MACROH2A2: variants seen among roughly 807,000 people sequenced by gnomAD.
MACROH2A2 encodes the protein core histone macro-H2A.2.
Under a neutral mutation model 37.6 loss-of-function variants are expected in MACROH2A2, and 6 were observed. That is an observed-to-expected ratio of 0.16 (90% CI 0.09 to 0.32). The LOEUF (loss-of-function observed/expected upper bound fraction) is 0.32. Ranked by LOEUF, MACROH2A2 falls within the 10% of genes least tolerant of loss-of-function variation. The pLI, the probability that MACROH2A2 is intolerant of heterozygous loss-of-function variation, is 1.00. For missense variants in MACROH2A2, 290 were observed against 485.9 expected (o/e 0.60, Z 3.79); for synonymous variants, 192 against 202.7 (o/e 0.95, Z 0.45).
At chr10:70,106,020 A>C (rs1472239005) in intron 7 of MACROH2A2, among the ~76,000 whole-genome samples, 2 of 152,102 alleles carry the variant, frequency 1.3e-5, no homozygotes, top group African/African-American at 4.8e-5. Context: ...GGAAGAAGAG[A>C]GGCCATTGTG....
At chr10:70,070,681 C>A (rs2072103983) in intron 1 of MACROH2A2, among the ~76,000 whole-genome samples, 1 of 152,006 alleles carries the variant, frequency 6.6e-6, no homozygotes, top group African/African-American at 2.4e-5. Flanking sequence ...TTAGTAGAGT[C>A]GGGGTTTCAT....
chr10:70,106,865 A>G (rs566676635), intron 7 of MACROH2A2, among the ~76,000 whole-genome samples: 2 of 151,934 alleles, frequency 1.3e-5, no homozygotes, highest in African/African-American at 4.8e-5. Context: ...TAACATGATT[A>G]TACTTTTAAA....
chr10:70,060,286 C>T (rs2072043198), intron 1 of MACROH2A2, among the ~76,000 whole-genome samples: 1 of 151,978 alleles, frequency 6.6e-6, no homozygotes, highest in African/African-American at 2.4e-5. Flanking sequence ...AGGAGAATCT[C>T]CTGAACCAGG....
At chr10:70,060,669 T>G (rs955469780) in intron 1 of MACROH2A2, among the ~76,000 whole-genome samples, 3 of 152,264 alleles carry the variant, frequency 2.0e-5, no homozygotes, top group Non-Finnish European at 2.9e-5. Context: ...GAATCTCATC[T>G]TGGCTCAGAC....
rs1374259135 is a variant in MACROH2A2, at chr10:70,101,683, C to T, written c.778+1386C>T. On this transcript the variant is annotated intron_variant, in intron 7 of 8. Transcript: ENST00000373255. ...AGTGCCCCCCTCAGGCCCTGGCAAG[C>T]ACTAATCTACTTTCTGTCTCTACGG... Among the ~76,000 whole-genome samples the T allele has an allele frequency of 9.9e-5, 15 of 152,154 alleles. 1 individual carries two copies. The highest frequency in any genetic ancestry group is 3.4e-4 in the African/African-American group (14 of 41,422).
chr10:70,108,838 T>G (rs1321747198), intron 7 of MACROH2A2, among the ~76,000 whole-genome samples, 195 bp from the exon 8 acceptor site: 3 of 150,306 alleles, frequency 2.0e-5, no homozygotes, highest in Admixed American at 6.7e-5. Flanking sequence ...CCAAAGCTTG[T>G]GCTAACTGTG....
intron 1 of MACROH2A2, among the ~76,000 whole-genome samples, chr10:70,067,103 A>G (rs1416428278): frequency 6.6e-6 from 1 of 152,242 alleles, no homozygotes; most frequent in African/African-American, 2.4e-5. Context: ...TCTATTAAAC[A>G]AGGTGTCTTT....
At chr10:70,103,502 C>T (rs575958094) in intron 7 of MACROH2A2, among the ~76,000 whole-genome samples, 111 of 152,232 alleles carry the variant, frequency 7.3e-4, no homozygotes, top group African/African-American at 2.4e-3. Flanking sequence ...GCCACCGTGC[C>T]CAGCACCAAC....
At chr10:70,097,601 AC>A (rs1387058169) in intron 6 of MACROH2A2, among the ~76,000 whole-genome samples, 1 of 152,132 alleles carries the variant, frequency 6.6e-6, no homozygotes, top group Non-Finnish European at 1.5e-5. Flanking sequence ...TGCAATAATC[AC>A]CACCCATGGC....
intron 1 of MACROH2A2, among the ~76,000 whole-genome samples, chr10:70,065,183 A>C (rs1198694434): frequency 6.6e-6 from 1 of 151,942 alleles, no homozygotes; most frequent in Non-Finnish European, 1.5e-5. Flanking sequence ...AGTAGCTGGG[A>C]TTACAGGTAC....
chr10:70,091,240 G>A (rs569335483), intron 3 of MACROH2A2, among the ~76,000 whole-genome samples: 6 of 152,302 alleles, frequency 3.9e-5, no homozygotes, highest in African/African-American at 1.2e-4. Flanking sequence ...GCTTTACTTC[G>A]TTTTGCTTTC....
intron 6 of MACROH2A2, among the ~76,000 whole-genome samples, chr10:70,096,816 TC>T (rs1389902297): frequency 6.6e-6 from 1 of 152,066 alleles, no homozygotes; most frequent in Non-Finnish European, 1.5e-5. Flanking sequence ...ACTCAGGGCT[TC>T]CTCCTGGCAT....
chr10:70,058,742 C>A (rs1391279167), intron 1 of MACROH2A2, among the ~76,000 whole-genome samples: 1 of 151,994 alleles, frequency 6.6e-6, no homozygotes, highest in African/African-American at 2.4e-5. Flanking sequence ...GGTGGTGGAC[C>A]ACAAAAAGGC....
At position 70,079,606 on chromosome 10, in the gene MACROH2A2, CGG is replaced by C. The variant is rs1317054271; in HGVS notation, c.172+3777_172+3778del. Among the ~76,000 whole-genome samples the C allele has an allele frequency of 1.3e-3, 197 of 150,948 alleles. 1 individual carries two copies. The highest frequency in any genetic ancestry group is 2.3e-3 in the South Asian group (11 of 4,742). ...ACACACACACACACACACACACACA[CGG>C]CAGAGGAGGCATCAAAGAGAGGTGG... On this transcript the variant is annotated intron_variant, in intron 2 of 8. Coordinates refer to ENST00000373255, the MANE Select transcript of MACROH2A2 (RefSeq NM_018649.3).
intron 2 of MACROH2A2, among the ~76,000 whole-genome samples, chr10:70,087,945 T>C (rs1007250514): frequency 2.6e-5 from 4 of 152,254 alleles, no homozygotes; most frequent in African/African-American, 7.2e-5. Flanking sequence ...AGCATACTTA[T>C]GTCAAGTTTT....
At chr10:70,110,319 A>G (rs2072362767) in intron 8 of MACROH2A2, among the ~76,000 whole-genome samples, 1 of 152,140 alleles carries the variant, frequency 6.6e-6, no homozygotes. Context: ...TGGGGCCTTT[A>G]ACAAACTTTC....
At chr10:70,102,298 G>T (rs574169993) in intron 7 of MACROH2A2, among the ~76,000 whole-genome samples, 1 of 152,334 alleles carries the variant, frequency 6.6e-6, no homozygotes, top group Non-Finnish European at 1.5e-5. Flanking sequence ...CACGTGGGAG[G>T]AGAGAAACAG....
At chr10:70,105,166 C>G (rs1023295871) in intron 7 of MACROH2A2, among the ~76,000 whole-genome samples, 12 of 152,158 alleles carry the variant, frequency 7.9e-5, no homozygotes, top group African/African-American at 2.4e-4. Context: ...GTGACTGTGG[C>G]AGGAGCCAGG....
At chr10:70,104,503 C>A (rs1321305352) in intron 7 of MACROH2A2, among the ~76,000 whole-genome samples, 3 of 152,090 alleles carry the variant, frequency 2.0e-5, no homozygotes, top group Admixed American at 6.6e-5. Flanking sequence ...ATGGAGAAAC[C>A]CTGTCTAGTA....
Sources: gnomAD v4.1 joint callset for allele counts (sites outside exome capture counted in the v4.1 genomes callset) on GRCh38, gnomAD v4.1.1 for gene constraint, MANE v1.5 for transcripts, NCBI Gene and HGNC (gene_info 2026-07-23, HGNC 2026-07-21) for gene names.